Variants in NLGN4X observed in about 807,000 individuals in gnomAD.
NLGN4X encodes the protein neuroligin-4, X-linked.
Under a neutral mutation model 40.3 loss-of-function variants are expected in NLGN4X, and 3 were observed. The ratio of observed to expected loss-of-function variants is 0.07; its 90% CI spans 0.03 to 0.19. NLGN4X has a LOEUF of 0.19. NLGN4X is among the 10% of genes least tolerant of loss of function. The pLI, the probability that NLGN4X is intolerant of heterozygous loss-of-function variation, is 1.00. For synonymous variants in NLGN4X, 270 were observed against 306.8 expected, an observed-to-expected ratio of 0.88 and a Z score of 1.25; for missense variants, 382 against 708.3, an observed-to-expected ratio of 0.54 and a Z score of 5.23.
rs1376700615 is a variant in NLGN4X at position 6,193,840 on chromosome X, C to T, written c.-306+34701G>A. On this transcript the variant is annotated intron_variant, in intron 1 of 5. Coordinates refer to ENST00000381095, the MANE Select transcript of NLGN4X (RefSeq NM_181332.3). ...TTAAAGTTTTGTTGGAGATCATCAACTCACTGTATTTCTCCATTAGATATA... is the reference window on the plus strand; with the variant it reads ...TTAAAGTTTTGTTGGAGATCATCAATTCACTGTATTTCTCCATTAGATATA... Among the ~76,000 whole-genome samples the T allele has an allele frequency of 4.5e-5, 5 of 112,186 alleles. No homozygotes were observed. The Admixed American group carries it at 4.7e-4, about 11-fold the overall frequency.
chrX:5,892,258 G>A lies in NLGN4X; in HGVS notation c.*559C>T, dbSNP rs5916269. The stretch of plus-strand genomic sequence containing the variant: ...GCAAAACACCTCTTTGCACAGAACC[G>A]TACAGATTTCGCTGCACAGTCCATT... On this transcript the variant is annotated 3_prime_UTR_variant, in exon 6 of 6. Coordinates refer to ENST00000381095, the MANE Select transcript of NLGN4X (RefSeq NM_181332.3). The A allele has an allele frequency of 0.14, 19,692 of 135,813 alleles. 1,293 individuals are homozygous for A. Among genetic ancestry groups the A allele is most frequent in the African/African-American group, 0.26 (8,066 of 30,807 alleles). The allele number at this position is 135,813 out of a possible 1,213,427, so 11.2% of individuals were successfully genotyped here.
chrX:5,994,508 G>A (rs1174667430), intron 3 of NLGN4X, among the ~76,000 whole-genome samples: 1 of 111,738 alleles, frequency 8.9e-6, no homozygotes, highest in African/African-American at 3.3e-5. Context: ...CCTCAAACCA[G>A]GGGCAAAATG....
In NLGN4X at chrX:5,981,886, T is replaced by C. The variant is rs765686711; in HGVS notation, c.625+47394A>G. 2.0e-4 allele frequency among the ~76,000 whole-genome samples: 22 copies of C among 111,729 alleles called. No individual in the cohort carries two copies. The South Asian group carries it at 8.3e-3, about 42-fold the overall frequency. On this transcript the variant is annotated intron_variant, in intron 3 of 5. Transcript: ENST00000381095. ...CTATGTTGTAGATTGATTGCAGACA[T>C]ACTAATCAACAGCTGGCACTAAATC...
intron 1 of NLGN4X, among the ~76,000 whole-genome samples, chrX:6,225,528 G>A (rs908485355): frequency 9.2e-6 from 1 of 108,308 alleles, no homozygotes. Flanking sequence ...TTTGCACCCT[G>A]GCCATTTAAT....
At chrX:6,027,752 T>G (rs1411926572) in intron 3 of NLGN4X, among the ~76,000 whole-genome samples, 2 of 110,952 alleles carry the variant, frequency 1.8e-5, no homozygotes, top group Non-Finnish European at 3.8e-5. Flanking sequence ...TATTTCTTGT[T>G]TGACAGACCT....
intron 2 of NLGN4X, among the ~76,000 whole-genome samples, chrX:6,090,059 G>A (rs1258046347): frequency 2.7e-5 from 3 of 111,281 alleles, no homozygotes; most frequent in Non-Finnish European, 5.7e-5. Flanking sequence ...AGTCAATCAC[G>A]TAAACACATG....
At chrX:6,117,309 C>T (rs2039325094) in intron 2 of NLGN4X, among the ~76,000 whole-genome samples, 1 of 110,978 alleles carries the variant, frequency 9.0e-6, no homozygotes, top group Non-Finnish European at 1.9e-5. Flanking sequence ...GTTCAATCTA[C>T]CTCCTACCTC....
At chrX:6,072,378 C>T (rs2038085885) in intron 2 of NLGN4X, among the ~76,000 whole-genome samples, 1 of 110,881 alleles carries the variant, frequency 9.0e-6, no homozygotes, top group Non-Finnish European at 1.9e-5. Context: ...AAAATGCCCC[C>T]TCAAAGTGTA....
chrX:6,002,607 T>C (rs1442038839), intron 3 of NLGN4X, among the ~76,000 whole-genome samples: 1 of 112,082 alleles, frequency 8.9e-6, no homozygotes, highest in Non-Finnish European at 1.9e-5. Context: ...ACAAAACCGA[T>C]AGGGACAGAA....
intron 2 of NLGN4X, among the ~76,000 whole-genome samples, chrX:6,066,016 T>TAAAA (rs1173786439): frequency 8.9e-6 from 1 of 112,048 alleles, no homozygotes. Context: ...AATACTCATT[T>TAAAA]TAAAAGGCAT....
chrX:6,159,495 A>G (rs1478283262), intron 1 of NLGN4X, among the ~76,000 whole-genome samples: 2 of 112,254 alleles, frequency 1.8e-5, no homozygotes, highest in Non-Finnish European at 3.8e-5. Context: ...CTATCAAACT[A>G]TCTTGGATTT....
At chrX:5,923,266 A>G (rs1161826873) in intron 3 of NLGN4X, among the ~76,000 whole-genome samples, 1 of 112,039 alleles carries the variant, frequency 8.9e-6, no homozygotes, top group East Asian at 2.8e-4. Context: ...CAGTGTCCCC[A>G]AGTAGCTGGG....
chrX:6,012,550 G>T (rs956936394), intron 3 of NLGN4X, among the ~76,000 whole-genome samples: 1 of 111,377 alleles, frequency 9.0e-6, no homozygotes, highest in African/African-American at 3.3e-5. Context: ...GGGTGGAGTG[G>T]GTTGCGTAAT....
chrX:5,928,391 T>A (rs938268032), intron 3 of NLGN4X, among the ~76,000 whole-genome samples: 13 of 111,843 alleles, frequency 1.2e-4, no homozygotes, highest in Non-Finnish European at 2.4e-4. Context: ...ACAAGTCCTC[T>A]TAGGTGACAG....
chrX:5,965,586 G>C (rs924391674), intron 3 of NLGN4X, among the ~76,000 whole-genome samples: 1 of 111,827 alleles, frequency 8.9e-6, no homozygotes, highest in Non-Finnish European at 1.9e-5. Context: ...AATGATGGTG[G>C]AATGCAGTGT....
chrX:6,086,684 T>G (rs1009851764), intron 2 of NLGN4X, among the ~76,000 whole-genome samples: 2 of 111,386 alleles, frequency 1.8e-5, no homozygotes, highest in African/African-American at 6.5e-5. Context: ...CAGGCTGGAG[T>G]GTAGTGGTGT....
At chrX:6,041,868 GT>G (rs2037168336) in intron 2 of NLGN4X, among the ~76,000 whole-genome samples, 1 of 112,574 alleles carries the variant, frequency 8.9e-6, no homozygotes, top group South Asian at 3.7e-4. Context: ...ATGACAACCA[GT>G]GATGAATACA....
chrX:6,052,539 G>A (rs2037518735), intron 2 of NLGN4X, among the ~76,000 whole-genome samples: 2 of 112,015 alleles, frequency 1.8e-5, no homozygotes, highest in African/African-American at 6.5e-5. Flanking sequence ...GCCATCTGGA[G>A]TTCAGCAGTC....
At chrX:6,012,842 C>G (rs1047093380) in intron 3 of NLGN4X, among the ~76,000 whole-genome samples, 2 of 111,341 alleles carry the variant, frequency 1.8e-5, no homozygotes, top group Non-Finnish European at 3.8e-5. Flanking sequence ...GCAGCCCTGC[C>G]AACACGTTTA....
Sources: gnomAD v4.1 joint callset for allele counts (sites outside exome capture counted in the v4.1 genomes callset) on GRCh38, gnomAD v4.1.1 for gene constraint, MANE v1.5 for transcripts, NCBI Gene and HGNC (gene_info 2026-07-23, HGNC 2026-07-21) for gene names.